The following NEK5 variants were observed in gnomAD, a reference collection of about 807,000 sequenced individuals.
NEK5 encodes NIMA related kinase 5, also known as serine/threonine-protein kinase Nek5.
Under a neutral mutation model 109.2 loss-of-function variants are expected in NEK5, and 88 were observed. The observed-to-expected ratio is 0.81, with a 90% CI of 0.68 to 0.96. The LOEUF is 0.96. Among genes scored for constraint, NEK5 ranks in the 40% least tolerant of loss-of-function variants. NEK5 has a pLI of 0.00. For missense variants in NEK5, 834 were observed against 920.7 expected (o/e 0.91, Z 1.22); for synonymous variants, 283 against 299.9 (o/e 0.94, Z 0.58).
intron 4 of NEK5, among the ~76,000 whole-genome samples, chr13:52,115,637 T>G (rs1955843362): frequency 6.8e-6 from 1 of 146,400 alleles, no homozygotes; most frequent in African/African-American, 2.5e-5. Context: ...AGAAACTACT[T>G]AATGTCAATT....
At position 52,036,353 on chromosome 13, in the gene NEK5, C is replaced by T. The variant is rs1005808181; in HGVS notation, c.*595G>A. The T allele has an allele frequency of 2.6e-5, 4 of 152,244 alleles. No individual in the cohort carries two copies. Among genetic ancestry groups the T allele is most frequent in the African/African-American group, 9.7e-5 (4 of 41,444 alleles). The allele number at this position is 152,244 out of a possible 1,614,324, so 9.4% of individuals were successfully genotyped here. A position where few individuals can be genotyped will look rare whatever the true frequency, so the allele number is the denominator to read the frequency against. On this transcript the variant is annotated 3_prime_UTR_variant, in exon 24 of 24. Transcript: ENST00000684899. ...GATAAGCAAACAATTTCACCTGCAACCTTAATTCTCCTTTGCCATATTTGC... is the reference window on the plus strand; with the variant it reads ...GATAAGCAAACAATTTCACCTGCAATCTTAATTCTCCTTTGCCATATTTGC...
intron 11 of NEK5, 86 bp downstream of exon 11, chr13:52,101,847 T>C (rs1317457846): frequency 2.7e-6 from 3 of 1,093,864 alleles, no homozygotes; most frequent in Non-Finnish European, 1.4e-6. Context: ...CCACTTTCAA[T>C]ATGTTTGGTG....
chr13:52,038,275 T>C (rs1230533185), intron 23 of NEK5, among the ~76,000 whole-genome samples: 2 of 151,760 alleles, frequency 1.3e-5, no homozygotes, highest in South Asian at 4.2e-4. Context: ...TGAGCCGAGA[T>C]CGCACCACTG....
chr13:52,116,045 G>A (rs539537775), intron 4 of NEK5, among the ~76,000 whole-genome samples: 2 of 152,016 alleles, frequency 1.3e-5, no homozygotes, highest in South Asian at 4.2e-4. Context: ...AGCCAGGTGT[G>A]GGGGTACATG....
chr13:52,099,186 T>G (rs1955478276), intron 12 of NEK5, among the ~76,000 whole-genome samples: 1 of 152,144 alleles, frequency 6.6e-6, no homozygotes, highest in African/African-American at 2.4e-5. Context: ...CATAAATATA[T>G]ACACTTACTA....
intron 19 of NEK5, among the ~76,000 whole-genome samples, chr13:52,075,291 A>G (rs904515931): frequency 9.2e-5 from 14 of 152,234 alleles, no homozygotes; most frequent in Non-Finnish European, 1.8e-4. Context: ...CTATGCAGCC[A>G]TAAAAAAGAA....
At chr13:52,094,252 AGT>A (rs1346433125) in intron 12 of NEK5, among the ~76,000 whole-genome samples, 1 of 152,224 alleles carries the variant, frequency 6.6e-6, no homozygotes, top group Non-Finnish European at 1.5e-5. Context: ...TAAAGAGCAA[AGT>A]GGGGTCAATT....
intron 8 of NEK5, 39 bp downstream of exon 8, chr13:52,108,279 A>ATGACCTTC (rs1955691586): frequency 8.4e-7 from 1 of 1,189,654 alleles, no homozygotes; most frequent in African/African-American, 1.5e-5. Context: ...CATCCATCAG[A>ATGACCTTC]TTTTACTGAC....
rs1954927706 is a variant in NEK5, at chr13:52,079,322, T to TCCCCA, written c.1573-3180_1573-3179insTGGGG. Among the ~76,000 whole-genome samples, 8 of 61,690 alleles carry TCCCCA rather than the reference T, an allele frequency of 1.3e-4. No homozygotes were observed. In the Admixed American group the frequency reaches 1.3e-3, roughly 10 times the overall value. 40.5% of individuals were successfully genotyped at this position (61,690 alleles called of 152,430 possible). A position where few individuals can be genotyped will look rare whatever the true frequency, so the allele number is the denominator to read the frequency against. ...TCTCCCTCTCCCTCTCCCTCTCCCC[T>TCCCCA]CTTTCCACGGTCTCCCTCTGATGCC... On this transcript the variant is annotated intron_variant, in intron 17 of 23. Coordinates refer to ENST00000684899, the MANE Select transcript of NEK5 (RefSeq NM_001365552.1).
intron 19 of NEK5, among the ~76,000 whole-genome samples, chr13:52,073,467 C>T (rs1252814752): frequency 6.6e-6 from 1 of 151,946 alleles, no homozygotes; most frequent in Non-Finnish European, 1.5e-5. Flanking sequence ...AGGTGGGTGA[C>T]ACCACACCCA....
intron 7 of NEK5, among the ~76,000 whole-genome samples, chr13:52,109,485 T>C (rs1224960048): frequency 6.6e-6 from 1 of 152,156 alleles, no homozygotes; most frequent in Non-Finnish European, 1.5e-5. Context: ...TATCTTGAAA[T>C]AGTCCTGCAA....
At chr13:52,075,093 C>T (rs186427956) in intron 19 of NEK5, among the ~76,000 whole-genome samples, 1 of 152,176 alleles carries the variant, frequency 6.6e-6, no homozygotes, top group East Asian at 1.9e-4. Flanking sequence ...CTTAGAACTA[C>T]TGTTCAACCC....
chr13:52,086,333 G>A lies in NEK5; in HGVS notation c.1423C>T (p.Gln475Ter), dbSNP rs1355657219. Residue 475 changes from glutamine (Q) to a stop codon, truncating the protein, a stop_gained, in exon 16 of 24, where the codon CAA (glutamine) becomes TAA (stop). Coordinates refer to ENST00000684899, the MANE Select transcript of NEK5 (RefSeq NM_001365552.1). LOFTEE classifies it high-confidence loss of function. The part of the protein sequence containing the change: ...EYWKQLEEIR[Q>*]QYHNDMKEIR... ...TCTTTCATGTCATTGTGGTACTGTTGGCGTATTTCCTCTAACTGCTTCCAA... is the reference window on the plus strand; with the variant it reads ...TCTTTCATGTCATTGTGGTACTGTTAGCGTATTTCCTCTAACTGCTTCCAA... 1.9e-6 allele frequency: 3 copies of A among 1,612,710 alleles called. No individual in the cohort carries two copies. The highest frequency in any genetic ancestry group is 3.3e-5 in the Admixed American group (2 of 59,980).
intron 4 of NEK5, among the ~76,000 whole-genome samples, chr13:52,115,601 C>CA (rs71088014): frequency 0.11 from 5,660 of 49,226 alleles, 757 homozygotes; most frequent in Admixed American, 0.15. Flanking sequence ...GAGACTCCGT[C>CA]AAAAAAAAAA....
chr13:52,101,698 A>C (rs1425203526), intron 11 of NEK5, among the ~76,000 whole-genome samples: 1 of 152,178 alleles, frequency 6.6e-6, no homozygotes, highest in East Asian at 1.9e-4. Flanking sequence ...CCTCTGCTTC[A>C]TGGAGGTTTC....
rs771041619 is a variant in NEK5 at position 52,102,274 on chromosome 13, G to A, written c.628C>T (p.Gln210Ter). 5 of 1,613,876 alleles carry A rather than the reference G, an allele frequency of 3.1e-6. No individual in the cohort carries two copies. In the African/African-American group the frequency reaches 5.3e-5, roughly 17 times the overall value. ...TGACAAATCTTCAGAACCAGCTGCT[G>A]TAAGTTGTTACCCTCAAACTGAAAG... is the stretch of plus-strand genomic sequence containing the variant. Reference protein sequence around the residue: ...LKHPFEGNNLQQLVLKICQAH... With the variant: ...LKHPFEGNNL The change falls in exon 10 of 24, where the codon CAG (glutamine) becomes TAG (stop). Residue 210 changes from glutamine (Q) to a stop codon, truncating the protein, a stop_gained. Transcript: ENST00000684899. LOFTEE classifies it high-confidence loss of function.
chr13:52,101,062 CCTCT>C (rs911248338), intron 11 of NEK5, among the ~76,000 whole-genome samples: 8 of 152,112 alleles, frequency 5.3e-5, no homozygotes, highest in African/African-American at 1.9e-4. Flanking sequence ...CGTACCCCTC[CCTCT>C]GACACACAGC....
At chr13:52,045,130 C>CTTTTT (rs374051509) in intron 23 of NEK5, among the ~76,000 whole-genome samples, 11 of 108,692 alleles carry the variant, frequency 1.0e-4, no homozygotes, top group African/African-American at 2.1e-4. Context: ...AATAAAAAAT[C>CTTTTT]TTTTTTTTTT....
intron 17 of NEK5, among the ~76,000 whole-genome samples, chr13:52,077,632 G>C (rs1954892357): frequency 6.6e-6 from 1 of 152,186 alleles, no homozygotes; most frequent in Admixed American, 6.5e-5. Flanking sequence ...CTCATACAAT[G>C]TCAAGGGGAG....
Sources: allele counts gnomAD v4.1 joint callset (sites outside exome capture counted in the v4.1 genomes callset), GRCh38; gene constraint gnomAD v4.1.1; transcripts MANE v1.5; gene names NCBI Gene and HGNC (gene_info 2026-07-23, HGNC 2026-07-21).